Variants in ABCC6 observed in about 807,000 individuals in gnomAD.
ABCC6 encodes the protein ATP binding cassette subfamily C member 6.
A neutral mutation model predicts 169.5 loss-of-function variants in ABCC6; 126 were observed. The observed-to-expected ratio is 0.74, with a 90% confidence interval of 0.64 to 0.86. The LOEUF is 0.86. ABCC6 is among the 40% of genes least tolerant of loss of function. ABCC6 has a pLI of 0.00. For synonymous variants in ABCC6, 752 were observed against 814.7 expected, an observed-to-expected ratio of 0.92 and a Z score of 1.31; for missense variants, 1,733 against 1,927.2, an observed-to-expected ratio of 0.90 and a Z score of 1.89.
chr16:16,194,672 CTA>C (rs2047975507), intron 10 of ABCC6, among the ~76,000 whole-genome samples: 2 of 152,042 alleles, frequency 1.3e-5, no homozygotes, highest in African/African-American at 4.8e-5. Flanking sequence ...CTTAGGAACA[CTA>C]TGTTTATTTA....
chr16:16,213,194 C>T (rs930604109), intron 5 of ABCC6, among the ~76,000 whole-genome samples: 1 of 151,744 alleles, frequency 6.6e-6, no homozygotes, highest in African/African-American at 2.4e-5. Context: ...AAGCAATCCT[C>T]CTGCTTTAGT....
At chr16:16,159,666 C>T (rs2046652328) in intron 25 of ABCC6, 83 bp from the exon 26 acceptor site, 1 of 1,281,670 alleles carries the variant, frequency 7.8e-7, no homozygotes. Context: ...CCAACCTTTT[C>T]TGGGAGGCCA....
intron 29 of ABCC6, among the ~76,000 whole-genome samples, chr16:16,154,414 T>G (rs2046473974): frequency 6.6e-6 from 1 of 152,216 alleles, no homozygotes; most frequent in Admixed American, 6.5e-5. Flanking sequence ...TGCCACCAAG[T>G]AAATATAGAA....
chr16:16,201,950 G>T (rs1341189782), intron 9 of ABCC6, 51 bp downstream of exon 9: 6 of 1,609,014 alleles, frequency 3.7e-6, no homozygotes, highest in Non-Finnish European at 5.1e-6. Flanking sequence ...CCCGCTCAGT[G>T]ATACTGCTTT....
chr16:16,222,310 C>G (rs2049100942), intron 1 of ABCC6, among the ~76,000 whole-genome samples: 1 of 152,120 alleles, frequency 6.6e-6, no homozygotes, highest in African/African-American at 2.4e-5. Flanking sequence ...TGACTCTGAC[C>G]CAGGCTTATC....
At chr16:16,184,771 C>T (rs1166769699) in intron 15 of ABCC6, among the ~76,000 whole-genome samples, 188 bp downstream of exon 15, 1 of 152,074 alleles carries the variant, frequency 6.6e-6, no homozygotes, top group Admixed American at 6.6e-5. Flanking sequence ...CTATGCTGTG[C>T]AGGTCCCCAC....
chr16:16,177,720 A>T (rs2047329542), intron 18 of ABCC6, 94 bp from the exon 19 acceptor site: 2 of 1,492,886 alleles, frequency 1.3e-6, no homozygotes, highest in Non-Finnish European at 9.2e-7. Flanking sequence ...AAGCATGTGG[A>T]TCACTTGAGG....
intron 22 of ABCC6, 59 bp from the exon 23 acceptor site, chr16:16,165,992 G>A: frequency 6.4e-7 from 1 of 1,559,810 alleles, no homozygotes; most frequent in Non-Finnish European, 8.7e-7. Context: ...GCGGCCCACG[G>A]GGCCCTGCGC....
chr16:16,187,781 G>C lies in ABCC6; in HGVS notation c.1780-570C>G, dbSNP rs111799262. On this transcript the variant is annotated intron_variant, in intron 13 of 30. Transcript: ENST00000205557. ...GTGGTGGCCCATGCCTGTAGTCCCA[G>C]CTACTCAGGAGGCTGGGAGGTAGAA... Among the ~76,000 whole-genome samples the C allele has an allele frequency of 6.1e-3, 932 of 152,232 alleles. 9 individuals carry two copies. Among genetic ancestry groups the C allele is most frequent in the African/African-American group, 0.019 (788 of 41,534 alleles).
intron 25 of ABCC6, among the ~76,000 whole-genome samples, chr16:16,159,810 G>A (rs762429476): frequency 6.6e-6 from 1 of 152,186 alleles, no homozygotes; most frequent in Non-Finnish European, 1.5e-5. Context: ...GCAAAAAGAA[G>A]CCCTCAGACA....
chr16:16,171,062 A>G (rs944225960), intron 21 of ABCC6, among the ~76,000 whole-genome samples: 4 of 151,496 alleles, frequency 2.6e-5, no homozygotes, highest in African/African-American at 7.3e-5. Flanking sequence ...CCCACCTCGG[A>G]GCCATTGCAC....
At chr16:16,175,759 C>T in intron 20 of ABCC6, 152 bp downstream of exon 20, 1 of 832,882 alleles carries the variant, frequency 1.2e-6, no homozygotes, top group Non-Finnish European at 1.9e-6. Context: ...GGTAAATTAT[C>T]CCTCAGCAGG....
At chr16:16,189,614 C>T (rs540506805) in intron 12 of ABCC6, among the ~76,000 whole-genome samples, 2 of 152,166 alleles carry the variant, frequency 1.3e-5, no homozygotes, top group East Asian at 1.9e-4. Flanking sequence ...GACAGGGTTT[C>T]GCCATGTTGG....
In ABCC6 at chr16:16,154,969, G is replaced by T. The variant is rs2152212364; in HGVS notation, c.3945C>A (p.Leu1315=). 2 of 1,580,344 alleles carry T rather than the reference G, an allele frequency of 1.3e-6. No homozygotes were observed. Among genetic ancestry groups the T allele is most frequent in the South Asian group, 2.3e-5 (2 of 86,490 alleles). ...KSSLASGLLR[L]QEAAEGGIWI... ...AGATCCCACCCTCAGCTGCCTCCTG[G>T]AGCCGCAGCAGCCCACTGGCCAGGG... is the stretch of plus-strand genomic sequence containing the variant. Residue 1315 remains leucine, a synonymous_variant, in exon 28 of 31, where the codon CTC becomes CTA. Coordinates refer to ENST00000205557, the MANE Select transcript of ABCC6 (RefSeq NM_001171.6).
intron 15 of ABCC6, 64 bp from the exon 16 acceptor site, chr16:16,182,994 T>G: frequency 6.2e-7 from 1 of 1,613,658 alleles, no homozygotes; most frequent in East Asian, 2.2e-5. Context: ...TGAGGAAGGA[T>G]GAGCCCCAGA....
intron 17 of ABCC6, among the ~76,000 whole-genome samples, chr16:16,179,779 TG>T (rs1179175826): frequency 1.4e-4 from 22 of 152,222 alleles, no homozygotes; most frequent in African/African-American, 5.3e-4. Flanking sequence ...TTAGTAGAGA[TG>T]GGGTTTCACC....
chr16:16,194,564 G>A (rs1282253214), intron 10 of ABCC6, among the ~76,000 whole-genome samples: 1 of 152,158 alleles, frequency 6.6e-6, no homozygotes, highest in Non-Finnish European at 1.5e-5. Context: ...TTAAGTTGCT[G>A]TGACTTTCTG....
In ABCC6 at chr16:16,193,658, G is replaced by C. The variant is rs1291445397; in HGVS notation, c.1339-736C>G. On this transcript the variant is annotated intron_variant, in intron 10 of 30. Transcript: ENST00000205557. ...GAACCCAGGAGGCGGAGCTTACAGT[G>C]AGCCACGATCGCACCACTGCACTCC... is the stretch of plus-strand genomic sequence containing the variant. Among the ~76,000 whole-genome samples the C allele has an allele frequency of 2.0e-5, 3 of 152,196 alleles. No homozygotes were observed. The East Asian group carries it at 5.8e-4, about 29-fold the overall frequency.
chr16:16,151,266 T>TCGCCA (rs1453004378), intron 29 of ABCC6, among the ~76,000 whole-genome samples: 34 of 152,170 alleles, frequency 2.2e-4, no homozygotes, highest in Non-Finnish European at 4.4e-4. Context: ...TTCACCATGT[T>TCGCCA]GGTCCGACTT....
Sources: gnomAD v4.1 joint callset for allele counts (sites outside exome capture counted in the v4.1 genomes callset) on GRCh38, gnomAD v4.1.1 for gene constraint, MANE v1.5 for transcripts, NCBI Gene and HGNC (gene_info 2026-07-23, HGNC 2026-07-21) for gene names.